Variants in SEC24B observed in about 807,000 individuals in gnomAD.
The protein encoded by SEC24B is SEC24 homolog B, COPII component.
Under a neutral mutation model 142.8 loss-of-function variants are expected in SEC24B, and 45 were observed. The ratio of observed to expected loss-of-function variants is 0.32; its 90% CI spans 0.25 to 0.40. SEC24B has a LOEUF of 0.40. Among genes scored for constraint, SEC24B ranks in the 10% least tolerant of loss-of-function variants. SEC24B has a pLI of 1.00. For synonymous variants in SEC24B, 574 were observed against 568.2 expected, an observed-to-expected ratio of 1.01 and a Z score of -0.15; for missense variants, 1,409 against 1,526.8, an observed-to-expected ratio of 0.92 and a Z score of 1.29.
At chr4:109,528,185 C>G (rs1449929680) in intron 18 of SEC24B, among the ~76,000 whole-genome samples, 3 of 151,998 alleles carry the variant, frequency 2.0e-5, no homozygotes, top group African/African-American at 7.2e-5. Flanking sequence ...CTTTGGGAAG[C>G]TGAAGTGGGC....
Position 109,530,395 on chromosome 4 carries a change from G to A in SEC24B, c.3183G>A (p.Gln1061=), listed in dbSNP as rs200380990. Residue 1061 remains glutamine (Q), a synonymous_variant, in exon 19 of 24, where the codon CAG becomes CAA. Coordinates refer to ENST00000265175, the MANE Select transcript of SEC24B (RefSeq NM_006323.5). Reference sequence around the variant, plus strand: ...ATGGCTCAACTGTCTCAAATTTACAGCACTCTGCATTGATGGCGCCCAGCT... The same window carrying A: ...ATGGCTCAACTGTCTCAAATTTACAACACTCTGCATTGATGGCGCCCAGCT... ...SAYGSTVSNL[Q]HSALMAPSSL... 31 of 1,614,096 alleles carry A rather than the reference G, an allele frequency of 1.9e-5. No individual in the cohort carries two copies. The highest frequency in any genetic ancestry group is 1.6e-4 in the Middle Eastern group (1 of 6,062).
rs562780924 is a variant in SEC24B at position 109,473,080 on chromosome 4, A to G, written c.954A>G (p.Leu318=). ...CCAGCCCAGTGGTATCCACTGTTTTATCAGGATCCTCAGGATCCTCATCAA... is the reference window on the plus strand; with the variant it reads ...CCAGCCCAGTGGTATCCACTGTTTTGTCAGGATCCTCAGGATCCTCATCAA... ...PKSSPVVSTV[L]SGSSGSSSTR... The change falls in exon 3 of 24, where the codon TTA becomes TTG. Residue 318 remains leucine, a synonymous_variant. Coordinates refer to ENST00000265175, the MANE Select transcript of SEC24B (RefSeq NM_006323.5). The G allele has an allele frequency of 6.2e-7, 1 of 1,606,784 alleles. No homozygotes were observed. The highest frequency in any genetic ancestry group is 8.5e-7 in the Non-Finnish European group (1 of 1,176,724).
At chr4:109,502,851 T>A (rs1319448475) in intron 6 of SEC24B, among the ~76,000 whole-genome samples, 2 of 152,196 alleles carry the variant, frequency 1.3e-5, no homozygotes, top group African/African-American at 4.8e-5. Flanking sequence ...AATTTTTTTA[T>A]AATTATTGGT....
At chr4:109,445,242 G>GTTTTTT (rs70949078) in intron 1 of SEC24B, among the ~76,000 whole-genome samples, 2 of 112,778 alleles carry the variant, frequency 1.8e-5, no homozygotes, top group African/African-American at 7.6e-5. Flanking sequence ...TTCTTTCTTT[G>GTTTTTT]TTTTTTTTTT....
intron 14 of SEC24B, among the ~76,000 whole-genome samples, chr4:109,523,708 C>T (rs1261650035): frequency 1.3e-5 from 2 of 152,108 alleles, no homozygotes; most frequent in Non-Finnish European, 2.9e-5. Context: ...TGTCATAAAT[C>T]TTTAGCCACA....
At chr4:109,449,414 T>TTG in intron 1 of SEC24B, 2 of 359,792 alleles carry the variant, frequency 5.6e-6, no homozygotes, top group East Asian at 8.5e-5. Flanking sequence ...TTTTTTTTTG[T>TTG]AGAGACGGGA....
chr4:109,501,539 C>A (rs754044087), intron 6 of SEC24B, among the ~76,000 whole-genome samples: 3 of 152,206 alleles, frequency 2.0e-5, no homozygotes. Flanking sequence ...GGCAGGATCG[C>A]GGCTCACTGC....
chr4:109,472,818 T>C (rs1018680954), intron 2 of SEC24B, among the ~76,000 whole-genome samples, 186 bp from the exon 3 acceptor site: 1 of 150,924 alleles, frequency 6.6e-6, no homozygotes, highest in South Asian at 2.1e-4. Context: ...TTTCTAGATA[T>C]ACTAGGTAAA....
intron 1 of SEC24B, among the ~76,000 whole-genome samples, chr4:109,436,243 A>G (rs1728398313): frequency 6.6e-6 from 1 of 152,082 alleles, no homozygotes; most frequent in Non-Finnish European, 1.5e-5. Flanking sequence ...GTTTAAGTAG[A>G]GAAACAAGAT....
At chr4:109,467,407 T>TAAG (rs1732060951) in intron 2 of SEC24B, among the ~76,000 whole-genome samples, 2 of 152,126 alleles carry the variant, frequency 1.3e-5, no homozygotes, top group Non-Finnish European at 2.9e-5. Context: ...GGTTGCACTT[T>TAAG]TGGCTAGTGT....
At chr4:109,521,330 C>G (rs56163842) in intron 13 of SEC24B, 90 bp from the exon 14 acceptor site, 19,630 of 1,180,020 alleles carry the variant, frequency 0.017, 191 homozygotes, top group Middle Eastern at 0.029. Context: ...CCCAGAAATA[C>G]AGTGACACAT....
At chr4:109,532,819 T>A (rs569242057) in intron 21 of SEC24B, 76 bp downstream of exon 21, 12 of 714,682 alleles carry the variant, frequency 1.7e-5, no homozygotes, top group Non-Finnish European at 3.0e-5. Flanking sequence ...AGGGTCCAGC[T>A]GTTATCACAG....
intron 4 of SEC24B, chr4:109,488,795 A>G (rs1734667805): frequency 6.0e-6 from 1 of 167,600 alleles, no homozygotes; most frequent in Non-Finnish European, 1.5e-5. Context: ...GGTTATAACC[A>G]TCCTAGTGGA....
chr4:109,503,083 G>T (rs1375962492), intron 6 of SEC24B, among the ~76,000 whole-genome samples: 1 of 145,346 alleles, frequency 6.9e-6, no homozygotes, highest in African/African-American at 2.5e-5. Flanking sequence ...TTTTTGAGAC[G>T]GAGTCTTGCT....
chr4:109,534,110 A>G (rs554293221), intron 22 of SEC24B, among the ~76,000 whole-genome samples: 7 of 151,602 alleles, frequency 4.6e-5, no homozygotes, highest in African/African-American at 1.5e-4. Flanking sequence ...TGGCTCAGTA[A>G]TGGCTCACTA....
intron 2 of SEC24B, among the ~76,000 whole-genome samples, chr4:109,464,494 G>C (rs1296383894): frequency 6.6e-6 from 1 of 152,078 alleles, no homozygotes; most frequent in Admixed American, 6.5e-5. Flanking sequence ...AGCTGGTCTC[G>C]AACACGCGAG....
At chr4:109,514,620 C>T (rs1020222606) in intron 10 of SEC24B, among the ~76,000 whole-genome samples, 2 of 152,242 alleles carry the variant, frequency 1.3e-5, no homozygotes, top group Non-Finnish European at 2.9e-5. Flanking sequence ...ATTGCTTGAA[C>T]GTGGGAGGGG....
In SEC24B at chr4:109,463,153, C is replaced by G. The variant is rs865979687; in HGVS notation, c.386C>G (p.Ser129Cys). Residue 129 changes from serine (S) to cysteine (C), a missense_variant, in exon 2 of 24, where the codon TCC (serine) becomes TGC (cysteine). Ser to Cys is a moderately radical substitution (Grantham distance 112, BLOSUM62 -1). Transcript: ENST00000265175. ...CCTCCTGCCCCTCATATTGTGGGAT[C>G]CACTCTAGGATCTTTCCAAGGTGCT... ...RGPPAPHIVG[S>C]TLGSFQGAAS... is the part of the protein sequence containing the mutation. 1.2e-6 allele frequency: 2 copies of G among 1,614,104 alleles called. No homozygotes were observed. Among genetic ancestry groups the G allele is most frequent in the East Asian group, 2.2e-5 (1 of 44,884 alleles).
chr4:109,449,606 T>C (rs1265384565), intron 1 of SEC24B: 1 of 436,264 alleles, frequency 2.3e-6, no homozygotes, highest in Non-Finnish European at 4.6e-6. Context: ...ATGAGGGCCC[T>C]CTATCCACCT....
Sources: allele counts gnomAD v4.1 joint callset (sites outside exome capture counted in the v4.1 genomes callset), GRCh38; gene constraint gnomAD v4.1.1; transcripts MANE v1.5; gene names NCBI Gene and HGNC (gene_info 2026-07-23, HGNC 2026-07-21).